Variants in FIGNL2 observed in about 807,000 individuals in gnomAD.
FIGNL2 encodes fidgetin like 2.
For synonymous variants in FIGNL2, 565 were observed against 484.0 expected (o/e 1.17, Z -2.20); for missense variants, 1,060 against 950.2 (o/e 1.12, Z -1.52).
At position 51,822,315 on chromosome 12, in the gene FIGNL2, C is replaced by G. The variant is rs758677565; in HGVS notation, c.99G>C (p.Glu33Asp). 2 of 1,612,850 alleles carry G rather than the reference C, an allele frequency of 1.2e-6. No homozygotes were observed. The highest frequency in any genetic ancestry group is 1.7e-6 in the Non-Finnish European group (2 of 1,179,552). ...AGCGTTGGCGACCCCCAGGGGGCAA[C>G]TCCAACTTGTGGGCCGGCGACGGGG... ...STTPSPAHKL[E>D]LPPGGRQRCH... Residue 33 changes from glutamate (E) to aspartate (D), a missense_variant, in exon 2 of 2, where the codon GAG becomes GAC. Coordinates refer to ENST00000618634, the MANE Select transcript of FIGNL2 (RefSeq NM_001384995.1).
intron 1 of FIGNL2, chr12:51,825,833 G>C (rs908323895): frequency 6.6e-6 from 1 of 151,862 alleles, no homozygotes; most frequent in African/African-American, 2.4e-5. Context: ...AGCCAGGATG[G>C]TCTCGATCTC....
intron 1 of FIGNL2, chr12:51,847,838 C>A (rs1017551620): frequency 2.0e-6 from 2 of 985,156 alleles, no homozygotes; most frequent in African/African-American, 3.5e-5. Flanking sequence ...TTTGAGGGGC[C>A]CTCTCTGGAG....
chr12:51,848,002 C>A, intron 1 of FIGNL2: 1 of 666,982 alleles, frequency 1.5e-6, no homozygotes. Flanking sequence ...GCGCGGGGAC[C>A]CTAAGTAGCC....
At chr12:51,844,666 C>G (rs1939714052) in intron 1 of FIGNL2, 1 of 983,372 alleles carries the variant, frequency 1.0e-6, no homozygotes, top group Non-Finnish European at 1.2e-6. Context: ...AACTATGATT[C>G]ATCAAGATGC....
intron 1 of FIGNL2, chr12:51,847,855 G>A (rs1412803144): frequency 1.0e-6 from 1 of 984,064 alleles, no homozygotes; most frequent in African/African-American, 1.7e-5. Flanking sequence ...GGAGAGCTGG[G>A]CGCTCCGGGG....
intron 1 of FIGNL2, among the ~76,000 whole-genome samples, chr12:51,827,730 G>A (rs1337780807): frequency 6.6e-6 from 1 of 152,186 alleles, no homozygotes; most frequent in Non-Finnish European, 1.5e-5. Flanking sequence ...TCTGTGAAAA[G>A]AGGTTCCTTC....
chr12:51,826,246 T>C (rs1565943897), intron 1 of FIGNL2, among the ~76,000 whole-genome samples: 1 of 152,176 alleles, frequency 6.6e-6, no homozygotes, highest in Non-Finnish European at 1.5e-5. Flanking sequence ...CCCCACTAGC[T>C]ACCAGCTCAT....
At chr12:51,836,893 T>C (rs1939586716) in intron 1 of FIGNL2, among the ~76,000 whole-genome samples, 1 of 152,066 alleles carries the variant, frequency 6.6e-6, no homozygotes, top group Non-Finnish European at 1.5e-5. Context: ...CAGGCGCACA[T>C]GCCGGTGGGT....
chr12:51,847,814 T>C, intron 1 of FIGNL2: 9 of 985,206 alleles, frequency 9.1e-6, no homozygotes, highest in Non-Finnish European at 1.1e-5. Flanking sequence ...GAGAGGGCTC[T>C]TGCGGTGGGG....
At chr12:51,836,638 T>G (rs1016408832) in intron 1 of FIGNL2, among the ~76,000 whole-genome samples, 8 of 151,980 alleles carry the variant, frequency 5.3e-5, no homozygotes, top group African/African-American at 1.9e-4. Flanking sequence ...CACACCCCAG[T>G]TAGAAATGCA....
chr12:51,840,138 G>A (rs931775444), intron 1 of FIGNL2, among the ~76,000 whole-genome samples: 3 of 152,200 alleles, frequency 2.0e-5, no homozygotes, highest in African/African-American at 7.2e-5. Flanking sequence ...ACTCAGTGAT[G>A]GGCACTGCGG....
Position 51,820,841 on chromosome 12 carries a change from C to T in FIGNL2, c.1573G>A (p.Gly525Arg). 6.9e-7 allele frequency: 1 copy of T among 1,458,976 alleles called. No individual in the cohort carries two copies. The highest frequency in any genetic ancestry group is 9.0e-7 in the Non-Finnish European group (1 of 1,112,550). The allele number at this position is 1,458,976 out of a possible 1,614,324, so 90.4% of individuals were successfully genotyped here. ...LACLDGGCGA[G>R]ADGVLVVGTT... is the part of the protein sequence containing the mutation. Reference sequence around the variant, plus strand: ...CCCACAACCAGCACGCCGTCAGCCCCCGCGCCGCAGCCCCCGTCCAGGCAG... The same window carrying T: ...CCCACAACCAGCACGCCGTCAGCCCTCGCGCCGCAGCCCCCGTCCAGGCAG... Residue 525 changes from glycine to arginine, a missense_variant, in exon 2 of 2, where the codon GGG becomes AGG. Physicochemically the swap from Gly to Arg is moderately radical, Grantham distance 125. Transcript: ENST00000618634.
chr12:51,832,615 C>T (rs1276639996), intron 1 of FIGNL2, among the ~76,000 whole-genome samples: 1 of 152,012 alleles, frequency 6.6e-6, no homozygotes, highest in African/African-American at 2.4e-5. Flanking sequence ...CCCTGCAGAC[C>T]TCGGGCTCAG....
At chr12:51,835,127 C>G (rs1023884426) in intron 1 of FIGNL2, among the ~76,000 whole-genome samples, 10 of 152,120 alleles carry the variant, frequency 6.6e-5, no homozygotes, top group Non-Finnish European at 1.2e-4. Flanking sequence ...TCAGGCACAG[C>G]CTCCCACCCA....
intron 1 of FIGNL2, among the ~76,000 whole-genome samples, chr12:51,829,339 CCTCCTCTAGGCCCT>C (rs1326240006): frequency 2.6e-5 from 4 of 152,218 alleles, no homozygotes; most frequent in Non-Finnish European, 5.9e-5. Context: ...GACTGTGCCC[CCTCCTCTAGGCCCT>C]CTCCCTCATG....
chr12:51,827,686 C>T (rs1371138280), intron 1 of FIGNL2, among the ~76,000 whole-genome samples: 1 of 152,218 alleles, frequency 6.6e-6, no homozygotes, highest in Non-Finnish European at 1.5e-5. Flanking sequence ...AAACAAGTAA[C>T]TTCTCTTTGG....
chr12:51,822,110 G>C lies in FIGNL2; in HGVS notation c.304C>G (p.Pro102Ala), dbSNP rs754581512. The C allele has an allele frequency of 2.5e-6, 4 of 1,610,998 alleles. No individual in the cohort carries two copies. The highest frequency in any genetic ancestry group is 3.4e-6 in the Non-Finnish European group (4 of 1,178,760). ...AKGDPEPWPG[P>A]EPPYPLASLH... ...GAGGCCAAGGGGTAGGGTGGCTCCGGCCCTGGCCAGGGCTCGGGATCCCCT... is the reference window on the plus strand; with the variant it reads ...GAGGCCAAGGGGTAGGGTGGCTCCGCCCCTGGCCAGGGCTCGGGATCCCCT... The change falls in exon 2 of 2, where the codon CCG becomes GCG. Residue 102 changes from proline (P) to alanine (A), a missense_variant. Pro to Ala is a conservative substitution (Grantham distance 27). Coordinates refer to ENST00000618634, the MANE Select transcript of FIGNL2 (RefSeq NM_001384995.1).
intron 1 of FIGNL2, among the ~76,000 whole-genome samples, chr12:51,827,191 C>T (rs1222447347): frequency 6.6e-6 from 1 of 152,204 alleles, no homozygotes; most frequent in East Asian, 1.9e-4. Flanking sequence ...GGACGGGGAC[C>T]CCATGTCTCC....
At chr12:51,848,277 C>G (rs1939795706) in intron 1 of FIGNL2, 1 of 985,068 alleles carries the variant, frequency 1.0e-6, no homozygotes, top group Non-Finnish European at 1.2e-6. Context: ...GAGGGGGCTG[C>G]GAGACGGGTG....
Sources: gnomAD v4.1 joint callset for allele counts (sites outside exome capture counted in the v4.1 genomes callset) on GRCh38, gnomAD v4.1.1 for gene constraint, MANE v1.5 for transcripts, NCBI Gene and HGNC (gene_info 2026-07-23, HGNC 2026-07-21) for gene names.